PDK4: variants seen among roughly 807,000 people sequenced by gnomAD.
PDK4 encodes the protein pyruvate dehydrogenase kinase, isozyme 4.
Under a neutral mutation model 51.7 loss-of-function variants are expected in PDK4, and 43 were observed. That is an observed-to-expected ratio of 0.83 (90% confidence interval 0.65 to 1.07). The LOEUF is 1.07. PDK4 is among the 50% of genes least tolerant of loss of function. The probability of loss-of-function intolerance (pLI) is 0.00; values close to 1 mark genes in which losing one functional copy is unlikely to be tolerated. For missense variants in PDK4, 498 were observed against 503.5 expected, an observed-to-expected ratio of 0.99 and a Z score of 0.10; for synonymous variants, 170 against 176.6, an observed-to-expected ratio of 0.96 and a Z score of 0.30.
In PDK4 at chr7:95,595,025, G is replaced by T. The variant is rs1379459725; in HGVS notation, c.270C>A (p.Ser90Arg). 3 of 1,608,496 alleles carry T rather than the reference G, an allele frequency of 1.9e-6. No individual in the cohort carries two copies. Among genetic ancestry groups the T allele is most frequent in the Non-Finnish European group, 2.6e-6 (3 of 1,176,294 alleles). ...CTTCAATATGGTTCACCACTTACCA[G>T]CTTTTAACCAATTGCACTGAAGAGG... is the stretch of plus-strand genomic sequence containing the variant. ...VNTSSVQLVKSWYIQSLMDLV... is the reference protein window; with the variant it reads ...VNTSSVQLVKRWYIQSLMDLV... The change falls in exon 2 of 11, where the codon AGC (serine) becomes AGA (arginine). Residue 90 changes from serine to arginine, a missense_variant and splice_region_variant. By Grantham distance (110) the Ser-to-Arg change is moderately radical. Transcript: ENST00000005178.
intron 7 of PDK4, among the ~76,000 whole-genome samples, chr7:95,588,043 G>A (rs1420730662): frequency 6.6e-6 from 1 of 151,978 alleles, no homozygotes; most frequent in Non-Finnish European, 1.5e-5. Flanking sequence ...ATAGCTCCTG[G>A]GAGTAATGTC....
intron 9 of PDK4, 53 bp downstream of exon 9, chr7:95,587,365 C>G (rs1791497463): frequency 9.4e-7 from 1 of 1,069,492 alleles, no homozygotes; most frequent in Non-Finnish European, 1.5e-6. Context: ...AATCCTTGCT[C>G]TACATTTAGA....
chr7:95,593,228 A>C (rs1178992596), intron 3 of PDK4, among the ~76,000 whole-genome samples: 1 of 152,094 alleles, frequency 6.6e-6, no homozygotes, highest in Non-Finnish European at 1.5e-5. Context: ...TTCTCTTTAT[A>C]AAATAATGAT....
intron 2 of PDK4, 44 bp downstream of exon 2, chr7:95,594,979 T>C: frequency 7.0e-7 from 1 of 1,434,464 alleles, no homozygotes; most frequent in East Asian, 2.3e-5. Flanking sequence ...CATACCCGGG[T>C]AACTGTTTCA....
At position 95,596,308 on chromosome 7, in the gene PDK4, G is replaced by T. The variant is rs1375988528; in HGVS notation, c.-15C>A. The T allele has an allele frequency of 6.4e-7, 1 of 1,561,092 alleles. No individual in the cohort carries two copies. The highest frequency in any genetic ancestry group is 1.2e-5 in the South Asian group (1 of 85,380). On this transcript the variant is annotated 5_prime_UTR_variant, in exon 1 of 11. Coordinates refer to ENST00000005178, the MANE Select transcript of PDK4 (RefSeq NM_002612.4). ...GCCGCCTTCATCTTGACGCCCACCC[G>T]GCCTGGCGGGGACTGTGGCTGGCTT...
chr7:95,594,972 A>G, intron 2 of PDK4, 51 bp downstream of exon 2: 1 of 1,301,446 alleles, frequency 7.7e-7, no homozygotes, highest in Non-Finnish European at 1.1e-6. Context: ...AAGAATTCAT[A>G]CCCGGGTAAC....
intron 7 of PDK4, among the ~76,000 whole-genome samples, chr7:95,588,433 A>G (rs1411732777): frequency 4.6e-5 from 7 of 152,236 alleles, no homozygotes; most frequent in Admixed American, 4.6e-4. Context: ...AACACAGAAC[A>G]AACTAAAAGA....
At chr7:95,587,198 C>G in intron 9 of PDK4, 75 bp from the exon 10 acceptor site, 2 of 860,642 alleles carry the variant, frequency 2.3e-6, no homozygotes, top group Non-Finnish European at 3.9e-6. Flanking sequence ...AAATTACTGT[C>G]CTCACTGATA....
At chr7:95,592,626 T>C (rs1044988229) in intron 4 of PDK4, 29 bp from the exon 5 acceptor site, 2 of 1,517,040 alleles carry the variant, frequency 1.3e-6, no homozygotes, top group Non-Finnish European at 1.8e-6. Flanking sequence ...AAAAAAAAAT[T>C]GTTATAAAAT....
rs2116708402 is a variant in PDK4, at chr7:95,585,012, TAA to T, written c.*627_*628del. The T allele has an allele frequency of 6.6e-6, 1 of 152,538 alleles. No homozygotes were observed. Among genetic ancestry groups the T allele is most frequent in the South Asian group, 2.1e-4 (1 of 4,822 alleles). The allele number at this position is 152,538 out of a possible 1,614,324, so 9.4% of individuals were successfully genotyped here. A position where few individuals can be genotyped will look rare whatever the true frequency, so the allele number is the denominator to read the frequency against. On this transcript the variant is annotated 3_prime_UTR_variant, in exon 11 of 11. Transcript: ENST00000005178. ...GGAGCCTTCCTTCTGAGTTTTTACA[TAA>T]GTTGATGCCTTCACTGCAACTTTGA...
Position 95,585,720 on chromosome 7 carries a change from T to A in PDK4, c.1157A>T (p.Tyr386Phe). ...GTCATCAGCCTCAGAGCTCATCTGA[T>A]AATGTTTGAAGGCTGACTTGTTAAA... ...PVFNKSAFKH[Y>F]QMSSEADDWC... Residue 386 changes from tyrosine (Y) to phenylalanine (F), a missense_variant, in exon 11 of 11, where the codon TAT (tyrosine) becomes TTT (phenylalanine). Physicochemically the swap from Tyr to Phe is conservative, Grantham distance 22. Coordinates refer to ENST00000005178, the MANE Select transcript of PDK4 (RefSeq NM_002612.4). 1 of 1,610,188 alleles carries A rather than the reference T, an allele frequency of 6.2e-7. No individual in the cohort carries two copies. Among genetic ancestry groups the A allele is most frequent in the Non-Finnish European group, 8.5e-7 (1 of 1,176,816 alleles).
rs1791468881 is a variant in PDK4 at position 95,585,461 on chromosome 7, C to A, written c.*180G>T. 2.2e-6 allele frequency: 1 copy of A among 464,130 alleles called. No individual in the cohort carries two copies. Among genetic ancestry groups the A allele is most frequent in the Non-Finnish European group, 3.8e-6 (1 of 261,720 alleles). 28.8% of individuals were successfully genotyped at this position (464,130 alleles called of 1,614,324 possible). ...CCATCTGTTAACTCCTGTAGTCTTG[C>A]ACTAAGTTCTCCTGGGTCACAGAAA... On this transcript the variant is annotated 3_prime_UTR_variant, in exon 11 of 11. Transcript: ENST00000005178.
At position 95,587,769 on chromosome 7, in the gene PDK4, T is replaced by C; in HGVS notation, c.828A>G (p.Ile276Met). 1 of 1,613,332 alleles carries C rather than the reference T, an allele frequency of 6.2e-7. No individual in the cohort carries two copies. Among genetic ancestry groups the C allele is most frequent in the Non-Finnish European group, 8.5e-7 (1 of 1,179,314 alleles). The change falls in exon 8 of 11, where the codon ATA becomes ATG. Residue 276 changes from isoleucine to methionine, a missense_variant. By Grantham distance (10) the Ile-to-Met change is conservative. Coordinates refer to ENST00000005178, the MANE Select transcript of PDK4 (RefSeq NM_002612.4). ...CTTTTCCCAAGACAACAATAACCTC[T>C]ATTGGTGTAAGGGAAGGCTGATTTT... ...HQENQPSLTPIEVIVVLGKED... is the reference protein window; with the variant it reads ...HQENQPSLTPMEVIVVLGKED...
At chr7:95,596,068 G>T (rs763235422) in intron 1 of PDK4, 96 bp downstream of exon 1, 1 of 1,334,264 alleles carries the variant, frequency 7.5e-7, no homozygotes, top group Non-Finnish European at 1.0e-6. Flanking sequence ...AACCCCAGTT[G>T]TTTTAGCTTG....
Position 95,587,477 on chromosome 7 carries a change from T to G in PDK4, c.922A>C (p.Ser308Arg), listed in dbSNP as rs1036606337. Reference protein sequence around the residue: ...VPLRIIDRLFSYTYSTAPTPV... With the variant: ...VPLRIIDRLFRYTYSTAPTPV... Reference sequence around the variant, plus strand: ...GTTGGTGCAGTGGAGTATGTATAACTAAAGAGGCGGTCAATAATTCTCAGG... The same window carrying G: ...GTTGGTGCAGTGGAGTATGTATAACGAAAGAGGCGGTCAATAATTCTCAGG... Residue 308 changes from serine to arginine, a missense_variant, in exon 9 of 11, where the codon AGT becomes CGT. Coordinates refer to ENST00000005178, the MANE Select transcript of PDK4 (RefSeq NM_002612.4). 1.2e-6 allele frequency: 2 copies of G among 1,611,880 alleles called. No individual in the cohort carries two copies. Among genetic ancestry groups the G allele is most frequent in the African/African-American group, 2.7e-5 (2 of 74,884 alleles).
rs761775893 is a variant in PDK4 at position 95,587,531 on chromosome 7, A to AAAAC, written c.871-7_871-4dup. Reference sequence around the variant, plus strand: ...ACACCACCTCCTCTGTCTGAAATCTAAAACAAACAAACAAGTCATCAAAGC... The same window carrying AAAAC: ...ACACCACCTCCTCTGTCTGAAATCTAAAACAAACAAACAAACAAGTCATCAAAGC... On this transcript the variant is annotated splice_polypyrimidine_tract_variant and splice_region_variant and intron_variant, in intron 8 of 10. Transcript: ENST00000005178. 5 of 1,551,040 alleles carry AAAAC rather than the reference A, an allele frequency of 3.2e-6. No individual in the cohort carries two copies. In the South Asian group the frequency reaches 5.6e-5, roughly 17 times the overall value.
Position 95,585,335 on chromosome 7 carries a change from C to T in PDK4, c.*306G>A, listed in dbSNP as rs956689846. ...TAACCACCATCTTCACACTCACTCC[C>T]TTTCTTATTCTTATCAAAAACAGAT... On this transcript the variant is annotated 3_prime_UTR_variant, in exon 11 of 11. Coordinates refer to ENST00000005178, the MANE Select transcript of PDK4 (RefSeq NM_002612.4). The T allele has an allele frequency of 2.8e-5, 6 of 213,690 alleles. No homozygotes were observed. The highest frequency in any genetic ancestry group is 9.2e-6 in the Non-Finnish European group (1 of 108,490). The allele number at this position is 213,690 out of a possible 1,614,324, so 13.2% of individuals were successfully genotyped here.
At position 95,596,427 on chromosome 7, in the gene PDK4, C is replaced by T. The variant is rs1200136480; in HGVS notation, c.-134G>A. ...AGGTGCGCTGGCTGGCTTGTGCGCCCCGGCCTGGGCTGGGGTTTGAGGGTG... is the reference window on the plus strand; with the variant it reads ...AGGTGCGCTGGCTGGCTTGTGCGCCTCGGCCTGGGCTGGGGTTTGAGGGTG... On this transcript the variant is annotated 5_prime_UTR_variant, in exon 1 of 11. Coordinates refer to ENST00000005178, the MANE Select transcript of PDK4 (RefSeq NM_002612.4). 4.1e-6 allele frequency: 4 copies of T among 975,736 alleles called. No homozygotes were observed. Among genetic ancestry groups the T allele is most frequent in the Admixed American group, 7.5e-5 (2 of 26,528 alleles). The allele number at this position is 975,736 out of a possible 1,614,324, so 60.4% of individuals were successfully genotyped here.
At position 95,587,028 on chromosome 7, in the gene PDK4, A is replaced by T. The variant is rs769262377; in HGVS notation, c.1077T>A (p.Asp359Glu). ...NLYSLSGYGT[D>E]AIIYLKALSS... ...GGGATACCTTTAAGTAGATGATAGCATCTGTTCCATATCCTGATAAAGAGT... is the reference window on the plus strand; with the variant it reads ...GGGATACCTTTAAGTAGATGATAGCTTCTGTTCCATATCCTGATAAAGAGT... Residue 359 changes from aspartate (D) to glutamate (E), a missense_variant, in exon 10 of 11, where the codon GAT becomes GAA. By Grantham distance (45) the Asp-to-Glu change is conservative. Coordinates refer to ENST00000005178, the MANE Select transcript of PDK4 (RefSeq NM_002612.4). The T allele has an allele frequency of 1.9e-6, 3 of 1,578,086 alleles. 1 individual carries two copies. Among genetic ancestry groups the T allele is most frequent in the South Asian group, 2.2e-5 (2 of 90,164 alleles).
Sources: gnomAD v4.1 joint callset for allele counts (sites outside exome capture counted in the v4.1 genomes callset) on GRCh38, gnomAD v4.1.1 for gene constraint, MANE v1.5 for transcripts, NCBI Gene and HGNC (gene_info 2026-07-23, HGNC 2026-07-21) for gene names.